The following MMP16 variants were observed in gnomAD, a reference collection of about 807,000 sequenced individuals.
MMP16 encodes the protein matrix metallopeptidase 16.
A neutral mutation model predicts 67.8 loss-of-function variants in MMP16; 12 were observed. The observed-to-expected ratio is 0.18, with a 90% CI of 0.11 to 0.29. MMP16 has a LOEUF of 0.29. Ranked by LOEUF, MMP16 falls within the 10% of genes least tolerant of loss-of-function variation. The probability of loss-of-function intolerance (pLI) is 1.00; values close to 1 mark genes in which losing one functional copy is unlikely to be tolerated. For synonymous variants in MMP16, 249 were observed against 255.9 expected (o/e 0.97, Z 0.26); for missense variants, 475 against 765.7 (o/e 0.62, Z 4.48).
At chr8:88,228,842 CT>C (rs1367544048) in intron 1 of MMP16, among the ~76,000 whole-genome samples, 1 of 151,950 alleles carries the variant, frequency 6.6e-6, no homozygotes, top group Non-Finnish European at 1.5e-5. Flanking sequence ...AAAAGCAACA[CT>C]TTAATAGTAC....
At chr8:88,195,084 C>T (rs1259293895) in intron 2 of MMP16, among the ~76,000 whole-genome samples, 1 of 152,108 alleles carries the variant, frequency 6.6e-6, no homozygotes, top group Non-Finnish European at 1.5e-5. Flanking sequence ...TTACATCCTC[C>T]TGCCAGAGAA....
chr8:88,271,734 A>G (rs1810566685), intron 1 of MMP16, among the ~76,000 whole-genome samples: 1 of 152,242 alleles, frequency 6.6e-6, no homozygotes, highest in African/African-American at 2.4e-5. Flanking sequence ...ACGGACACAA[A>G]TGCTAAAATG....
At chr8:88,232,475 C>A (rs1809877197) in intron 1 of MMP16, among the ~76,000 whole-genome samples, 1 of 152,114 alleles carries the variant, frequency 6.6e-6, no homozygotes, top group African/African-American at 2.4e-5. Flanking sequence ...TATATAAGAT[C>A]ATTTCTGCCT....
intron 1 of MMP16, among the ~76,000 whole-genome samples, chr8:88,246,980 C>A (rs1426545586): frequency 6.6e-6 from 1 of 152,084 alleles, no homozygotes; most frequent in Non-Finnish European, 1.5e-5. Context: ...ATGGAATGGA[C>A]AACTCTTCAT....
chr8:88,171,898 C>T (rs1808810269), intron 3 of MMP16, among the ~76,000 whole-genome samples: 1 of 151,344 alleles, frequency 6.6e-6, no homozygotes, highest in Non-Finnish European at 1.5e-5. Flanking sequence ...ACCATCACAT[C>T]TCACTGAAAC....
intron 4 of MMP16, among the ~76,000 whole-genome samples, chr8:88,157,915 T>C (rs1262589319): frequency 6.8e-6 from 1 of 146,740 alleles, no homozygotes; most frequent in Middle Eastern, 3.5e-3. Context: ...AGTGAGAACA[T>C]GCAGTGTTTG....
intron 1 of MMP16, among the ~76,000 whole-genome samples, chr8:88,253,540 A>T (rs1810257772): frequency 1.3e-5 from 2 of 152,142 alleles, no homozygotes; most frequent in South Asian, 4.1e-4. Flanking sequence ...ATCATGAGAA[A>T]AACATCAGAC....
chr8:88,201,361 A>G (rs931402770), intron 1 of MMP16, among the ~76,000 whole-genome samples: 1 of 152,052 alleles, frequency 6.6e-6, no homozygotes, highest in Non-Finnish European at 1.5e-5. Context: ...TATTTCAAGT[A>G]TAGTTAATTT....
At position 88,040,043 on chromosome 8, in the gene MMP16, T is replaced by G. The variant is rs1808110541; in HGVS notation, c.*1418A>C. ...TTCATGCAACTTCAGAGTCACCGTTTTAATTCATTTTTAAAATGGCAATGC... is the reference window on the plus strand; with the variant it reads ...TTCATGCAACTTCAGAGTCACCGTTGTAATTCATTTTTAAAATGGCAATGC... On this transcript the variant is annotated 3_prime_UTR_variant, in exon 10 of 10. Coordinates refer to ENST00000286614, the MANE Select transcript of MMP16 (RefSeq NM_005941.5). The G allele has an allele frequency of 6.6e-6, 1 of 152,606 alleles. No individual in the cohort carries two copies. Among genetic ancestry groups the G allele is most frequent in the Non-Finnish European group, 1.5e-5 (1 of 68,044 alleles). The allele number at this position is 152,606 out of a possible 1,614,324, so 9.5% of individuals were successfully genotyped here. A position where few individuals can be genotyped will look rare whatever the true frequency, so the allele number is the denominator to read the frequency against.
intron 1 of MMP16, among the ~76,000 whole-genome samples, chr8:88,218,535 T>C (rs1193540144): frequency 6.6e-6 from 1 of 152,040 alleles, no homozygotes; most frequent in African/African-American, 2.4e-5. Flanking sequence ...ATATGTTAAA[T>C]AACTTGATAG....
intron 6 of MMP16, among the ~76,000 whole-genome samples, chr8:88,111,082 A>G (rs1809326663): frequency 6.6e-6 from 1 of 151,674 alleles, no homozygotes; most frequent in Admixed American, 6.6e-5. Flanking sequence ...CTCGAAGTCT[A>G]TCTTTAATGT....
intron 1 of MMP16, among the ~76,000 whole-genome samples, chr8:88,249,331 G>A (rs1402205272): frequency 6.6e-6 from 1 of 152,084 alleles, no homozygotes; most frequent in East Asian, 1.9e-4. Flanking sequence ...GTACTCCAAT[G>A]GGATGCTGAG....
chr8:88,248,462 G>T (rs1810154654), intron 1 of MMP16, among the ~76,000 whole-genome samples: 1 of 152,026 alleles, frequency 6.6e-6, no homozygotes, highest in Admixed American at 6.6e-5. Flanking sequence ...GATGGAAAAT[G>T]TAAAAAAAAG....
intron 3 of MMP16, among the ~76,000 whole-genome samples, chr8:88,174,613 G>C (rs1201997692): frequency 6.6e-6 from 1 of 152,072 alleles, no homozygotes; most frequent in Non-Finnish European, 1.5e-5. Context: ...TAAAACATTA[G>C]ATTTTTCTGA....
chr8:88,045,175 T>G (rs181381951), intron 9 of MMP16, among the ~76,000 whole-genome samples: 32 of 152,318 alleles, frequency 2.1e-4, no homozygotes, highest in Admixed American at 5.9e-4. Flanking sequence ...TGCCTCTGCC[T>G]ACAGTGTTCC....
At chr8:88,223,026 A>G (rs1016373085) in intron 1 of MMP16, among the ~76,000 whole-genome samples, 31 of 152,106 alleles carry the variant, frequency 2.0e-4, no homozygotes, top group Non-Finnish European at 3.4e-4. Context: ...CCATCAAAAA[A>G]TGGGCAAAGG....
Position 88,036,736 on chromosome 8 carries a change from C to T in MMP16, c.*4725G>A, listed in dbSNP as rs773245468. On this transcript the variant is annotated 3_prime_UTR_variant, in exon 10 of 10. Coordinates refer to ENST00000286614, the MANE Select transcript of MMP16 (RefSeq NM_005941.5). ...GGCTGAGATTGCTGTAATAGGTCAT[C>T]TGAAATGCACATTTTTGGTTTATAT... 1 of 151,698 alleles carries T rather than the reference C, an allele frequency of 6.6e-6. No individual in the cohort carries two copies. The highest frequency in any genetic ancestry group is 1.5e-5 in the Non-Finnish European group (1 of 67,792). 9.4% of individuals were successfully genotyped at this position (151,698 alleles called of 1,614,324 possible).
At chr8:88,237,223 CT>C (rs1361220432) in intron 1 of MMP16, among the ~76,000 whole-genome samples, 2 of 152,296 alleles carry the variant, frequency 1.3e-5, no homozygotes, top group East Asian at 3.9e-4. Context: ...ATCTGAAATT[CT>C]TTTTGTTCAA....
intron 6 of MMP16, 112 bp downstream of exon 6, chr8:88,116,395 C>T: frequency 5.4e-6 from 5 of 921,632 alleles, no homozygotes; most frequent in Admixed American, 2.8e-5. Flanking sequence ...TTTGAACTTT[C>T]TAACTGTGAG....
Sources: gnomAD v4.1 joint callset for allele counts (sites outside exome capture counted in the v4.1 genomes callset) on GRCh38, gnomAD v4.1.1 for gene constraint, MANE v1.5 for transcripts, NCBI Gene and HGNC (gene_info 2026-07-23, HGNC 2026-07-21) for gene names.